Variants in TNP2 observed in about 807,000 individuals in gnomAD.
The protein encoded by TNP2 is transition protein 2.
In TNP2, 10 loss-of-function variants were observed where a neutral mutation model predicts 8.5. That is an observed-to-expected ratio of 1.17 (90% CI 0.72 to 1.99). TNP2 has a LOEUF of 1.99. Ranked by LOEUF, TNP2 falls within the 30% of genes most tolerant of loss-of-function variation. TNP2 has a pLI of 0.00. For synonymous variants in TNP2, 80 were observed against 62.3 expected (o/e 1.28, Z -1.34); for missense variants, 222 against 181.2 (o/e 1.23, Z -1.29).
Position 11,269,280 on chromosome 16 carries a change from G to A in TNP2, c.-18C>T, listed in dbSNP as rs2069755761. On this transcript the variant is annotated 5_prime_UTR_variant, in exon 1 of 2. Transcript: ENST00000312693. ...GTGTCCATAGGAGGCCACGTTTGGA[G>A]GGGCAGGGCCTCCTCCTCATCCTCT... 1.6e-5 allele frequency: 26 copies of A among 1,589,718 alleles called. No homozygotes were observed. Among genetic ancestry groups the A allele is most frequent in the Non-Finnish European group, 2.1e-5 (25 of 1,173,686 alleles).
At chr16:11,268,842 C>T (rs777962896) in intron 1 of TNP2, 21 bp downstream of exon 1, 4 of 1,529,518 alleles carry the variant, frequency 2.6e-6, no homozygotes, top group East Asian at 4.5e-5. Flanking sequence ...GGTGGCCCTT[C>T]CCCACCTCCT....
chr16:11,268,769 G>C, intron 1 of TNP2, 94 bp downstream of exon 1: 1 of 1,352,996 alleles, frequency 7.4e-7, no homozygotes, highest in Non-Finnish European at 9.8e-7. Context: ...TGGTTCCTTT[G>C]TGACCTGGCT....
Position 11,268,982 on chromosome 16 carries a change from C to T in TNP2, c.281G>A (p.Arg94Gln), listed in dbSNP as rs779077275. ...GCAGCGGCAGTGCAGGATGGTGGGC[C>T]GCATGGGAGAGTGGTGGGAGTTCAT... ...KTMNSHHSPM[R>Q]PTILHCRCPK... is the part of the protein sequence containing the mutation. The change falls in exon 1 of 2, where the codon CGG (arginine) becomes CAG (glutamine). Residue 94 changes from arginine to glutamine, a missense_variant. Physicochemically the swap from Arg to Gln is conservative, Grantham distance 43. Transcript: ENST00000312693. The T allele has an allele frequency of 3.0e-5, 49 of 1,613,732 alleles. No homozygotes were observed. Among genetic ancestry groups the T allele is most frequent in the African/African-American group, 4.0e-5 (3 of 74,858 alleles).
Position 11,267,990 on chromosome 16 carries a change from G to A in TNP2, c.*6C>T, listed in dbSNP as rs1470415737. On this transcript the variant is annotated 3_prime_UTR_variant, in exon 2 of 2. Coordinates refer to ENST00000312693, the MANE Select transcript of TNP2 (RefSeq NM_005425.5). ...ACGCAGGAACAAGCCAAGGAGTGCG[G>A]TCTCATTAGTTGGATTTCCATCCTA... is the stretch of plus-strand genomic sequence containing the variant. 2 of 1,612,100 alleles carry A rather than the reference G, an allele frequency of 1.2e-6. No homozygotes were observed. Among genetic ancestry groups the A allele is most frequent in the African/African-American group, 1.3e-5 (1 of 75,012 alleles).
At position 11,268,945 on chromosome 16, in the gene TNP2, T is replaced by A; in HGVS notation, c.318A>T (p.Arg106Ser). 1 of 1,611,708 alleles carries A rather than the reference T, an allele frequency of 6.2e-7. No homozygotes were observed. The highest frequency in any genetic ancestry group is 8.5e-7 in the Non-Finnish European group (1 of 1,179,270). ...TTTTCAGCTTGCCTTCCAAGTTCTT[T>A]CTGTTCTTGGGGCAGCGGCAGTGCA... is the stretch of plus-strand genomic sequence containing the variant. ...TILHCRCPKN[R>S]KNLEGKLKKK... Residue 106 changes from arginine (R) to serine (S), a missense_variant, in exon 1 of 2, where the codon AGA (arginine) becomes AGT (serine). Physicochemically the swap from Arg to Ser is moderately radical, Grantham distance 110. Transcript: ENST00000312693.
intron 1 of TNP2, chr16:11,268,295 T>G (rs2069735628): frequency 2.5e-6 from 1 of 398,252 alleles, no homozygotes; most frequent in African/African-American, 2.0e-5. Context: ...ATATCTATTC[T>G]TCTCTCTGTT....
chr16:11,268,834 T>C (rs2069744966), intron 1 of TNP2, 29 bp downstream of exon 1: 4 of 1,522,476 alleles, frequency 2.6e-6, no homozygotes, highest in African/African-American at 1.4e-5. Flanking sequence ...GTGGGCTCGG[T>C]GGCCCTTCCC....
In TNP2 at chr16:11,269,290, C is replaced by G; in HGVS notation, c.-28G>C. On this transcript the variant is annotated 5_prime_UTR_variant, in exon 1 of 2. Transcript: ENST00000312693. Reference sequence around the variant, plus strand: ...GAGGCCACGTTTGGAGGGGCAGGGCCTCCTCCTCATCCTCTCCCAGCAGGC... The same window carrying G: ...GAGGCCACGTTTGGAGGGGCAGGGCGTCCTCCTCATCCTCTCCCAGCAGGC... The G allele has an allele frequency of 6.3e-7, 1 of 1,581,442 alleles. No homozygotes were observed. Among genetic ancestry groups the G allele is most frequent in the Non-Finnish European group, 8.6e-7 (1 of 1,169,524 alleles).
intron 1 of TNP2, 77 bp from the exon 2 acceptor site, chr16:11,268,089 A>G: frequency 1.4e-6 from 2 of 1,381,932 alleles, no homozygotes; most frequent in Non-Finnish European, 2.0e-6. Context: ...GACCTCCTGT[A>G]AGGTCTTACA....
intron 1 of TNP2, 48 bp downstream of exon 1, chr16:11,268,815 C>A: frequency 6.6e-7 from 1 of 1,510,238 alleles, no homozygotes; most frequent in South Asian, 1.4e-5. Flanking sequence ...GGTCTGCTCT[C>A]CATCATCTGT....
intron 1 of TNP2, chr16:11,268,288 T>A (rs985446292): frequency 2.4e-6 from 1 of 408,212 alleles, no homozygotes; most frequent in African/African-American, 2.0e-5. Flanking sequence ...AGTCTAGATA[T>A]CTATTCTTCT....
chr16:11,269,047 A>T lies in TNP2; in HGVS notation c.216T>A (p.Ser72Arg), dbSNP rs762468086. The change falls in exon 1 of 2, where the codon AGT (serine) becomes AGA (arginine). Residue 72 changes from serine to arginine, a missense_variant. By Grantham distance (110) the Ser-to-Arg change is moderately radical (BLOSUM62 -1). Coordinates refer to ENST00000312693, the MANE Select transcript of TNP2 (RefSeq NM_005425.5). ...GCTTTGGTGGTGGACTAGTGTTGGG[A>T]CTCTGGCTCTGGTGGCCGGATGAGC... is the stretch of plus-strand genomic sequence containing the variant. The part of the protein sequence containing the change: ...AHSSSGHQSQ[S>R]PNTSPPPKRH... 1 of 1,610,242 alleles carries T rather than the reference A, an allele frequency of 6.2e-7. No individual in the cohort carries two copies. The highest frequency in any genetic ancestry group is 1.7e-5 in the Admixed American group (1 of 59,762).
chr16:11,269,152 G>T lies in TNP2; in HGVS notation c.111C>A (p.Cys37Ter), dbSNP rs922443080. The T allele has an allele frequency of 6.2e-7, 1 of 1,613,924 alleles. No homozygotes were observed. Among genetic ancestry groups the T allele is most frequent in the Non-Finnish European group, 8.5e-7 (1 of 1,179,908 alleles). Reference sequence around the variant, plus strand: ...TCCGGCTGCCACGATGGCTCTGTCTGCAACTCTGGCTGAAGGTTTGGCAAT... The same window carrying T: ...TCCGGCTGCCACGATGGCTCTGTCTTCAACTCTGGCTGAAGGTTTGGCAAT... ...TRHCQTFSQS[C>*]RQSHRGSRSQ... Residue 37 changes from cysteine to a stop codon, truncating the protein, a stop_gained, in exon 1 of 2, where the codon TGC (cysteine) becomes TGA (stop). Coordinates refer to ENST00000312693, the MANE Select transcript of TNP2 (RefSeq NM_005425.5). LOFTEE classifies it high-confidence loss of function.
chr16:11,268,686 C>T, intron 1 of TNP2, 177 bp downstream of exon 1: 2 of 628,026 alleles, frequency 3.2e-6, no homozygotes, highest in Non-Finnish European at 5.1e-6. Context: ...TTCAAAGAGA[C>T]TTTCCGTCAA....
chr16:11,269,283 G>A lies in TNP2; in HGVS notation c.-21C>T. 1 of 1,586,804 alleles carries A rather than the reference G, an allele frequency of 6.3e-7. No individual in the cohort carries two copies. Among genetic ancestry groups the A allele is most frequent in the Non-Finnish European group, 8.5e-7 (1 of 1,172,106 alleles). ...TCCATAGGAGGCCACGTTTGGAGGG[G>A]CAGGGCCTCCTCCTCATCCTCTCCC... On this transcript the variant is annotated 5_prime_UTR_variant, in exon 1 of 2. Transcript: ENST00000312693.
In TNP2 at chr16:11,268,385, A is replaced by C. The variant is rs2069737365; in HGVS notation, c.401-373T>G. ...CCCATCAAAACTTCTACAACTATTT[A>C]ACTCTATTTCTAACCAATTCATCCA... On this transcript the variant is annotated intron_variant, in intron 1 of 1. Coordinates refer to ENST00000312693, the MANE Select transcript of TNP2 (RefSeq NM_005425.5). The C allele has an allele frequency of 2.2e-5, 6 of 275,512 alleles. No individual in the cohort carries two copies. In the South Asian group the frequency reaches 5.4e-4, roughly 25 times the overall value. The allele number at this position is 275,512 out of a possible 1,614,324, so 17.1% of individuals were successfully genotyped here.
chr16:11,268,848 C>A lies in TNP2; in HGVS notation c.400+15G>T, dbSNP rs117458238. 3 of 1,532,400 alleles carry A rather than the reference C, an allele frequency of 2.0e-6. 1 individual carries two copies. Among genetic ancestry groups the A allele is most frequent in the Non-Finnish European group, 2.6e-6 (3 of 1,142,786 alleles). The allele number at this position is 1,532,400 out of a possible 1,614,324, so 94.9% of individuals were successfully genotyped here. On this transcript the variant is annotated intron_variant, in intron 1 of 1. Transcript: ENST00000312693. ...TGTGGGCTCGGTGGCCCTTCCCCAC[C>A]TCCTTAAAGGGTACCTGAGCTCCGC...
intron 1 of TNP2, 179 bp downstream of exon 1, chr16:11,268,684 G>T (rs2069742586): frequency 1.6e-6 from 1 of 613,102 alleles, no homozygotes; most frequent in Non-Finnish European, 2.6e-6. Flanking sequence ...ATTTCAAAGA[G>T]ACTTTCCGTC....
intron 1 of TNP2, chr16:11,268,347 C>G: frequency 3.7e-6 from 1 of 272,804 alleles, no homozygotes; most frequent in Non-Finnish European, 7.0e-6. Flanking sequence ...TAATATTTAA[C>G]CAATCAAACC....
Sources: gnomAD v4.1 joint callset for allele counts on GRCh38, gnomAD v4.1.1 for gene constraint, MANE v1.5 for transcripts, NCBI Gene and HGNC (gene_info 2026-07-23, HGNC 2026-07-21) for gene names.